WASHC4: variants seen among roughly 807,000 people sequenced by gnomAD.
WASHC4 encodes WASH complex subunit 7.
A neutral mutation model predicts 166.6 loss-of-function variants in WASHC4; 86 were observed. The observed-to-expected ratio is 0.52, with a 90% CI of 0.43 to 0.62. The LOEUF is 0.62. WASHC4 is among the 20% of genes least tolerant of loss of function. The pLI is 0.00. For missense variants in WASHC4, 1,262 were observed against 1,382.4 expected (o/e 0.91, Z 1.38); for synonymous variants, 446 against 451.6 (o/e 0.99, Z 0.16).
At chr12:105,114,071 T>C in intron 2 of WASHC4, 145 bp from the exon 3 acceptor site, 1 of 677,528 alleles carries the variant, frequency 1.5e-6, no homozygotes, top group Non-Finnish European at 2.6e-6. Flanking sequence ...GAGATTGTTT[T>C]GGATGAAGTA....
intron 28 of WASHC4, among the ~76,000 whole-genome samples, chr12:105,159,105 A>G (rs1884340180): frequency 6.6e-6 from 1 of 152,242 alleles, no homozygotes; most frequent in Non-Finnish European, 1.5e-5. Context: ...GTGCCTGAAA[A>G]TGGTTTAAAT....
intron 7 of WASHC4, 35 bp from the exon 8 acceptor site, chr12:105,120,520 A>C (rs1880628970): frequency 5.4e-6 from 7 of 1,299,886 alleles, no homozygotes; most frequent in Non-Finnish European, 7.8e-6. Context: ...GACAAAAAGG[A>C]AGTTTTTTTT....
rs1884870034 is a variant in WASHC4, at chr12:105,167,458, T to A, written c.*527T>A. ...GGTGAGGCACAAGTGTTTTATGTAC[T>A]CTCAGTGTACAGTATAACTGATGAT... On this transcript the variant is annotated 3_prime_UTR_variant, in exon 33 of 33. Transcript: ENST00000332180. 1 of 158,672 alleles carries A rather than the reference T, an allele frequency of 6.3e-6. No homozygotes were observed. Among genetic ancestry groups the A allele is most frequent in the Non-Finnish European group, 1.4e-5 (1 of 71,518 alleles). The allele number at this position is 158,672 out of a possible 1,614,324, so 9.8% of individuals were successfully genotyped here.
intron 6 of WASHC4, 43 bp from the exon 7 acceptor site, chr12:105,118,403 T>C: frequency 1.5e-6 from 2 of 1,331,502 alleles, no homozygotes; most frequent in Non-Finnish European, 2.2e-6. Context: ...ATGGTGAGAT[T>C]TAAAGAGTAA....
chr12:105,114,348 A>G lies in WASHC4; in HGVS notation c.256-14A>G, dbSNP rs1198170234. ...ACAATTTACTTTTTATTTTGTTTTT[A>G]CTCATGAAACTAGGTCTTAAACAAA... is the stretch of plus-strand genomic sequence containing the variant. On this transcript the variant is annotated splice_polypyrimidine_tract_variant and intron_variant, in intron 3 of 32. Coordinates refer to ENST00000332180, the MANE Select transcript of WASHC4 (RefSeq NM_015275.3). The G allele has an allele frequency of 3.8e-6, 6 of 1,598,918 alleles. No individual in the cohort carries two copies. The South Asian group carries it at 6.7e-5, about 18-fold the overall frequency.
rs1229006168 is a variant in WASHC4, at chr12:105,168,431, CATT to C, written c.*1506_*1508del. The C allele has an allele frequency of 1.3e-5, 2 of 148,396 alleles. No homozygotes were observed. Among genetic ancestry groups the C allele is most frequent in the South Asian group, 2.1e-4 (1 of 4,670 alleles). 9.2% of individuals were successfully genotyped at this position (148,396 alleles called of 1,614,324 possible). ...CTGCATAATTAATAATTTATATTTT[CATT>C]ATTATAAGTGTTTATATTAATGATC... On this transcript the variant is annotated 3_prime_UTR_variant, in exon 33 of 33. Coordinates refer to ENST00000332180, the MANE Select transcript of WASHC4 (RefSeq NM_015275.3).
chr12:105,140,317 G>C lies in WASHC4; in HGVS notation c.1476G>C (p.Arg492Ser). 1 of 1,613,026 alleles carries C rather than the reference G, an allele frequency of 6.2e-7. No homozygotes were observed. Among genetic ancestry groups the C allele is most frequent in the Non-Finnish European group, 8.5e-7 (1 of 1,179,044 alleles). The change falls in exon 16 of 33, where the codon AGG (arginine) becomes AGC (serine). Residue 492 changes from arginine (R) to serine (S), a missense_variant. By Grantham distance (110) the Arg-to-Ser change is moderately radical. Coordinates refer to ENST00000332180, the MANE Select transcript of WASHC4 (RefSeq NM_015275.3). ...AGGCAATAGAGCATATGTTCTACAG[G>C]AGAAGCATGGTTGTGGCTGATTCAG... ...LLKAIEHMFYRRSMVVADSVS... is the reference protein window; with the variant it reads ...LLKAIEHMFYSRSMVVADSVS...
rs1211517407 is a variant in WASHC4 at position 105,168,613 on chromosome 12, G to A, written c.*1682G>A. 1 of 151,928 alleles carries A rather than the reference G, an allele frequency of 6.6e-6. No homozygotes were observed. The highest frequency in any genetic ancestry group is 1.5e-5 in the Non-Finnish European group (1 of 67,914). The allele number at this position is 151,928 out of a possible 1,614,324, so 9.4% of individuals were successfully genotyped here. On this transcript the variant is annotated 3_prime_UTR_variant, in exon 33 of 33. Coordinates refer to ENST00000332180, the MANE Select transcript of WASHC4 (RefSeq NM_015275.3). ...TTCTGTGTTCATTATCCCTACACAT[G>A]TAAATTAATTATTTTATCAATACTA...
chr12:105,107,973 G>A, intron 1 of WASHC4, 112 bp downstream of exon 1: 1 of 810,704 alleles, frequency 1.2e-6, no homozygotes, highest in Admixed American at 2.0e-5. Context: ...TCTGGTGCGG[G>A]ACACTTCAGA....
chr12:105,123,483 G>A (rs1336291822), intron 10 of WASHC4, among the ~76,000 whole-genome samples: 2 of 152,188 alleles, frequency 1.3e-5, no homozygotes, highest in Non-Finnish European at 1.5e-5. Context: ...AAGTTTTGTT[G>A]GACTGAATTG....
At chr12:105,126,518 A>AT (rs942275407) in intron 12 of WASHC4, among the ~76,000 whole-genome samples, 156 bp downstream of exon 12, 36 of 152,164 alleles carry the variant, frequency 2.4e-4, no homozygotes, top group African/African-American at 7.7e-4. Flanking sequence ...AACTTAGTGA[A>AT]TGAAAATACG....
At chr12:105,148,460 G>A (rs1883488697) in intron 24 of WASHC4, 1 of 985,094 alleles carries the variant, frequency 1.0e-6, no homozygotes, top group South Asian at 4.7e-5. Context: ...GGATATAGAT[G>A]TTCATCAGTT....
intron 24 of WASHC4, chr12:105,149,231 C>T (rs1335440825): frequency 2.0e-6 from 2 of 985,352 alleles, no homozygotes; most frequent in East Asian, 2.3e-4. Flanking sequence ...CATTCTAGAC[C>T]TGTAGATTAG....
intron 6 of WASHC4, among the ~76,000 whole-genome samples, chr12:105,117,989 A>G (rs578226815): frequency 3.3e-4 from 51 of 152,330 alleles, no homozygotes; most frequent in African/African-American, 1.2e-3. Context: ...GTTATTTTAC[A>G]GTGACTTCTG....
At chr12:105,163,642 C>T (rs1237980037) in intron 30 of WASHC4, among the ~76,000 whole-genome samples, 1 of 152,062 alleles carries the variant, frequency 6.6e-6, no homozygotes, top group Non-Finnish European at 1.5e-5. Flanking sequence ...GCTGAGACTA[C>T]AGGCATGCAT....
chr12:105,125,919 T>TAC, intron 10 of WASHC4, 85 bp from the exon 11 acceptor site: 7 of 1,292,508 alleles, frequency 5.4e-6, no homozygotes, highest in Non-Finnish European at 7.7e-6. Context: ...AAATTTATCA[T>TAC]ACACTGTATT....
At chr12:105,164,394 AG>A in intron 31 of WASHC4, 87 bp downstream of exon 31, 1 of 1,161,694 alleles carries the variant, frequency 8.6e-7, no homozygotes, top group Non-Finnish European at 1.3e-6. Context: ...GAAGCCATAT[AG>A]AAACTACCAT....
intron 12 of WASHC4, 59 bp downstream of exon 12, chr12:105,126,421 TA>T (rs1450013497): frequency 7.8e-7 from 1 of 1,280,556 alleles, no homozygotes; most frequent in African/African-American, 1.5e-5. Flanking sequence ...CAGATAAAAC[TA>T]AATATTTTAA....
Position 105,144,819 on chromosome 12 carries a change from C to T in WASHC4, c.2281C>T (p.Arg761Cys), listed in dbSNP as rs375315020. The change falls in exon 22 of 33, where the codon CGT (arginine) becomes TGT (cysteine). Residue 761 changes from arginine to cysteine, a missense_variant. Physicochemically the swap from Arg to Cys is radical, Grantham distance 180. Coordinates refer to ENST00000332180, the MANE Select transcript of WASHC4 (RefSeq NM_015275.3). ...YSEMRNLATQRYGLVMTEAHL... is the reference protein window; with the variant it reads ...YSEMRNLATQCYGLVMTEAHL... ...TGAGATGAGAAACTTAGCTACTCAG[C>T]GTTATGGACTGGTTATGACAGAGGC... The T allele has an allele frequency of 1.2e-4, 191 of 1,612,916 alleles. No homozygotes were observed. Among genetic ancestry groups the T allele is most frequent in the Non-Finnish European group, 7.4e-5 (87 of 1,179,418 alleles).
Sources: gnomAD v4.1 joint callset for allele counts (sites outside exome capture counted in the v4.1 genomes callset) on GRCh38, gnomAD v4.1.1 for gene constraint, MANE v1.5 for transcripts, NCBI Gene and HGNC (gene_info 2026-07-23, HGNC 2026-07-21) for gene names.